ANKRD62: variants seen among roughly 807,000 people sequenced by gnomAD.
ANKRD62 encodes the protein ankyrin repeat domain-containing protein 62.
In ANKRD62, 61 loss-of-function variants were observed where a neutral mutation model predicts 98.8. That is an observed-to-expected ratio of 0.62 (90% CI 0.50 to 0.76). The LOEUF (loss-of-function observed/expected upper bound fraction) is 0.76, where lower values mean the gene tolerates loss of function less well. Among genes scored for constraint, ANKRD62 ranks in the 30% least tolerant of loss-of-function variants. The probability of loss-of-function intolerance (pLI) is 0.00; values close to 1 mark genes in which losing one functional copy is unlikely to be tolerated. For synonymous variants in ANKRD62, 341 were observed against 367.9 expected (o/e 0.93, Z 0.84); for missense variants, 933 against 1,082.9 (o/e 0.86, Z 1.94).
In ANKRD62 at chr18:12,126,280, C is replaced by T. The variant is rs1277563853; in HGVS notation, c.2459C>T (p.Ala820Val). The T allele has an allele frequency of 6.5e-7, 1 of 1,535,736 alleles. No individual in the cohort carries two copies. The highest frequency in any genetic ancestry group is 8.7e-7 in the Non-Finnish European group (1 of 1,146,728). The change falls in exon 13 of 14, where the codon GCT becomes GTT. Residue 820 changes from alanine to valine, a missense_variant. Around this residue, in one of 3 missense-constraint regions of ANKRD62, gnomAD observed 362 missense variants for 434.5 expected, o/e 0.83. Transcript: ENST00000587848. ...GAAGATACTGTAGAAAAACTTCAAGCTGAGTGTAGAAAGCTAGAAGAGAAC... is the reference window on the plus strand; with the variant it reads ...GAAGATACTGTAGAAAAACTTCAAGTTGAGTGTAGAAAGCTAGAAGAGAAC... ...KCEDTVEKLQ[A>V]ECRKLEENNK...
At chr18:12,141,090 G>T in the ANKRD62 span, among the ~76,000 whole-genome samples, 1 of 152,224 alleles carries the variant, frequency 6.6e-6, no homozygotes, top group African/African-American at 2.4e-5. Flanking sequence ...CCGCCTTGCA[G>T]TTTGATCTCA....
At chr18:12,118,584 CG>C (rs1909716835) in intron 10 of ANKRD62, among the ~76,000 whole-genome samples, 1 of 143,394 alleles carries the variant, frequency 7.0e-6, no homozygotes, top group Non-Finnish European at 1.5e-5. Context: ...ACTCCAGTCT[CG>C]GAGACAGAGT....
chr18:12,133,116 C>T (rs189408727), downstream of ANKRD62, among the ~76,000 whole-genome samples: 1,044 of 152,194 alleles, frequency 6.9e-3, 19 homozygotes, highest in African/African-American at 0.024. Context: ...ATTCTACTTT[C>T]TGTCTCTATG....
At chr18:12,118,850 T>C (rs1909724639) in intron 10 of ANKRD62, among the ~76,000 whole-genome samples, 1 of 152,188 alleles carries the variant, frequency 6.6e-6, no homozygotes, top group African/African-American at 2.4e-5. Context: ...GAGGGAGTTT[T>C]TTTTATTGGT....
At chr18:12,172,566 G>A in the ANKRD62 span, among the ~76,000 whole-genome samples, 18 of 152,166 alleles carry the variant, frequency 1.2e-4, no homozygotes, top group African/African-American at 3.9e-4. Context: ...TAGGCTACTC[G>A]GGGGTCAGGG....
the ANKRD62 span, among the ~76,000 whole-genome samples, chr18:12,169,251 T>G: frequency 6.6e-6 from 1 of 152,222 alleles, no homozygotes; most frequent in Non-Finnish European, 1.5e-5. Context: ...CCTTTCGGTA[T>G]GATATTGGCT....
rs973997096 is a variant in ANKRD62 at position 12,126,323 on chromosome 18, G to A, written c.2502G>A (p.Lys834=). Residue 834 remains lysine, a synonymous_variant, in exon 13 of 14, where the codon AAG becomes AAA. Coordinates refer to ENST00000587848, the MANE Select transcript of ANKRD62 (RefSeq NM_001277333.2). Reference sequence around the variant, plus strand: ...AAGAGAACAATAAGGGGTTGATGAAGGAATGCACTCTTTTAAAAGAAAGAC... The same window carrying A: ...AAGAGAACAATAAGGGGTTGATGAAAGAATGCACTCTTTTAAAAGAAAGAC... ...KLEENNKGLM[K]ECTLLKERQC... 32 of 1,529,520 alleles carry A rather than the reference G, an allele frequency of 2.1e-5. No homozygotes were observed. Among genetic ancestry groups the A allele is most frequent in the Non-Finnish European group, 2.7e-5 (31 of 1,145,012 alleles). 94.7% of individuals were successfully genotyped at this position (1,529,520 alleles called of 1,614,324 possible).
chr18:12,129,713 A>C lies in ANKRD62; in HGVS notation c.*1774A>C, dbSNP rs1227565187. On this transcript the variant is annotated 3_prime_UTR_variant, in exon 14 of 14. Transcript: ENST00000587848. ...CGGTGAGCCGAGACGGTGCCACCGC[A>C]CTCCAGCCTGGGCGACAGAGCAAGA... 8.5e-5 allele frequency: 12 copies of C among 140,518 alleles called. No homozygotes were observed. The highest frequency in any genetic ancestry group is 1.0e-4 in the Non-Finnish European group (7 of 66,706). The allele number at this position is 140,518 out of a possible 1,614,324, so 8.7% of individuals were successfully genotyped here. A position where few individuals can be genotyped will look rare whatever the true frequency, so the allele number is the denominator to read the frequency against.
the ANKRD62 span, among the ~76,000 whole-genome samples, chr18:12,174,604 C>T: frequency 1.3e-5 from 2 of 152,300 alleles, no homozygotes; most frequent in East Asian, 3.9e-4. Context: ...GGTTCTTTCA[C>T]TGGTGTTTTC....
the ANKRD62 span, among the ~76,000 whole-genome samples, chr18:12,135,409 A>G: frequency 1.5e-4 from 22 of 151,220 alleles, no homozygotes; most frequent in Non-Finnish European, 3.1e-4. Context: ...TCCATGGTGT[A>G]TATATGCCAC....
the ANKRD62 span, among the ~76,000 whole-genome samples, chr18:12,181,490 C>A: frequency 1.3e-5 from 2 of 152,176 alleles, no homozygotes; most frequent in African/African-American, 4.8e-5. Context: ...ATAAGAATTT[C>A]CATAACATTA....
the ANKRD62 span, among the ~76,000 whole-genome samples, chr18:12,173,791 T>C: frequency 1.5e-4 from 23 of 152,236 alleles, no homozygotes; most frequent in African/African-American, 5.5e-4. Context: ...GAAATTCTTT[T>C]CTTTAAAAAT....
At chr18:12,169,885 C>A in the ANKRD62 span, among the ~76,000 whole-genome samples, 1 of 152,114 alleles carries the variant, frequency 6.6e-6, no homozygotes, top group African/African-American at 2.4e-5. Context: ...GGAATTTATC[C>A]ATTTCTTCTA....
intron 5 of ANKRD62, 27 bp downstream of exon 5, chr18:12,097,804 C>G: frequency 1.3e-6 from 2 of 1,532,588 alleles, no homozygotes; most frequent in Non-Finnish European, 8.8e-7. Context: ...CTAGTGAACA[C>G]TAAATTGAGG....
chr18:12,107,533 G>C (rs1909441925), intron 8 of ANKRD62, 66 bp downstream of exon 8: 3 of 1,215,806 alleles, frequency 2.5e-6, no homozygotes, highest in Non-Finnish European at 3.1e-6. Flanking sequence ...ATTCTAATTT[G>C]GGTTAATATG....
At chr18:12,139,183 G>A in the ANKRD62 span, among the ~76,000 whole-genome samples, 12 of 152,214 alleles carry the variant, frequency 7.9e-5, no homozygotes, top group East Asian at 1.9e-4. Context: ...GGCTGGTACC[G>A]GTTGTTCCTT....
chr18:12,107,433 C>A lies in ANKRD62; in HGVS notation c.1030C>A (p.Gln344Lys). 2 of 1,511,580 alleles carry A rather than the reference C, an allele frequency of 1.3e-6. No individual in the cohort carries two copies. Among genetic ancestry groups the A allele is most frequent in the African/African-American group, 1.4e-5 (1 of 72,190 alleles). 93.6% of individuals were successfully genotyped at this position (1,511,580 alleles called of 1,614,324 possible). A position where few individuals can be genotyped will look rare whatever the true frequency, so the allele number is the denominator to read the frequency against. ...AAAGAACAGAAAACCTGATAATCAT[C>A]AATCTCCTGGGAAGGAGAATGGCGA... ...KIKNRKPDNH[Q>K]SPGKENGEFD... is the part of the protein sequence containing the mutation. Residue 344 changes from glutamine (Q) to lysine (K), a missense_variant, in exon 8 of 14, where the codon CAA (glutamine) becomes AAA (lysine). Coordinates refer to ENST00000587848, the MANE Select transcript of ANKRD62 (RefSeq NM_001277333.2).
intron 5 of ANKRD62, among the ~76,000 whole-genome samples, chr18:12,098,014 A>G (rs943866554): frequency 1.3e-5 from 2 of 152,206 alleles, no homozygotes; most frequent in Non-Finnish European, 2.9e-5. Context: ...TTATTCTGTG[A>G]GTCCCTTGTT....
At chr18:12,098,875 A>G (rs1055732243) in intron 5 of ANKRD62, among the ~76,000 whole-genome samples, 15 of 152,244 alleles carry the variant, frequency 9.9e-5, no homozygotes, top group Non-Finnish European at 1.6e-4. Flanking sequence ...GTTAGAGTCT[A>G]TAGAGGAAAA....
Sources: gnomAD v4.1 joint callset for allele counts (sites outside exome capture counted in the v4.1 genomes callset) on GRCh38, gnomAD v4.1.1 for gene constraint, gnomAD v4.1.1 regional missense constraint, MANE v1.5 for transcripts, NCBI Gene and HGNC (gene_info 2026-07-23, HGNC 2026-07-21) for gene names.